The following FRMD3 variants were observed in gnomAD, a reference collection of about 807,000 sequenced individuals.
The protein encoded by FRMD3 is FERM domain containing 3.
FRMD3 carries 33 observed loss-of-function variants against 70.2 expected under a neutral mutation model. The ratio of observed to expected loss-of-function variants is 0.47; its 90% confidence interval spans 0.36 to 0.63. The LOEUF (loss-of-function observed/expected upper bound fraction) is 0.63, where lower values mean the gene tolerates loss of function less well. Ranked by LOEUF, FRMD3 falls within the 20% of genes least tolerant of loss-of-function variation. FRMD3 has a pLI of 0.00. For synonymous variants in FRMD3, 279 were observed against 255.9 expected, an observed-to-expected ratio of 1.09 and a Z score of -0.86; for missense variants, 632 against 711.4, an observed-to-expected ratio of 0.89 and a Z score of 1.27.
At chr9:83,391,073 G>A (rs989550220) in intron 1 of FRMD3, among the ~76,000 whole-genome samples, 22 of 152,230 alleles carry the variant, frequency 1.4e-4, no homozygotes, top group Admixed American at 7.2e-4. Flanking sequence ...CCTGGGATGC[G>A]CTGCACTGAG....
Position 83,356,271 on chromosome 9 carries a change from A to ATTTTTTTTTTTTTTTT in FRMD3, c.296-6530_296-6515dup, listed in dbSNP as rs869149609. Among the ~76,000 whole-genome samples the ATTTTTTTTTTTTTTTT allele has an allele frequency of 3.2e-4, 30 of 94,436 alleles. 2 individuals are homozygous for ATTTTTTTTTTTTTTTT. The highest frequency in any genetic ancestry group is 1.3e-3 in the African/African-American group (28 of 21,632). 62.0% of individuals were successfully genotyped at this position (94,436 alleles called of 152,430 possible). ...TGAGAGAGAAGCATCACTCAGCAGC[A>ATTTTTTTTTTTTTTTT]TTTTTTTTTTTTTTTTTTTTTTTTG... On this transcript the variant is annotated intron_variant, in intron 3 of 13. Coordinates refer to ENST00000304195, the MANE Select transcript of FRMD3 (RefSeq NM_174938.6).
intron 1 of FRMD3, among the ~76,000 whole-genome samples, chr9:83,472,457 G>A (rs1828291069): frequency 1.3e-5 from 2 of 152,140 alleles, no homozygotes; most frequent in Admixed American, 1.3e-4. Context: ...CATGGGATCT[G>A]ACATTTCCTG....
chr9:83,578,440 A>G, the FRMD3 span, among the ~76,000 whole-genome samples: 1 of 152,004 alleles, frequency 6.6e-6, no homozygotes, highest in Non-Finnish European at 1.5e-5. Flanking sequence ...ACAAAATACT[A>G]GGAAATTCAA....
intron 2 of FRMD3, among the ~76,000 whole-genome samples, chr9:83,379,346 C>T (rs551689962): frequency 6.6e-6 from 1 of 152,244 alleles, no homozygotes; most frequent in East Asian, 1.9e-4. Context: ...TATTGCATTG[C>T]TATTTTCCTT....
At chr9:83,284,540 A>C (rs1276596797) in intron 13 of FRMD3, among the ~76,000 whole-genome samples, 1 of 152,174 alleles carries the variant, frequency 6.6e-6, no homozygotes, top group Non-Finnish European at 1.5e-5. Context: ...CCCAGGAGGC[A>C]GAGGTTGCAG....
At chr9:83,476,476 A>G (rs535885768) in intron 1 of FRMD3, among the ~76,000 whole-genome samples, 2 of 152,102 alleles carry the variant, frequency 1.3e-5, no homozygotes, top group South Asian at 2.1e-4. Flanking sequence ...GTGCTGGTTT[A>G]GTGAAGAAGG....
intron 1 of FRMD3, among the ~76,000 whole-genome samples, chr9:83,403,600 C>T (rs1174151535): frequency 6.6e-6 from 1 of 152,136 alleles, no homozygotes; most frequent in East Asian, 1.9e-4. Context: ...CATTGGTATA[C>T]ATGTGGCTCG....
At chr9:83,482,892 A>G (rs908489547) in intron 1 of FRMD3, among the ~76,000 whole-genome samples, 1 of 152,218 alleles carries the variant, frequency 6.6e-6, no homozygotes, top group Non-Finnish European at 1.5e-5. Context: ...CAGGAGCCAT[A>G]TAAGAAGTGG....
chr9:83,372,031 G>T (rs576069376), intron 3 of FRMD3, among the ~76,000 whole-genome samples: 2 of 152,172 alleles, frequency 1.3e-5, no homozygotes, highest in African/African-American at 4.8e-5. Context: ...CTTGAATGAC[G>T]ACAAGTGACA....
intron 1 of FRMD3, among the ~76,000 whole-genome samples, chr9:83,482,243 T>G (rs1394706001): frequency 6.6e-6 from 1 of 152,200 alleles, no homozygotes; most frequent in Non-Finnish European, 1.5e-5. Flanking sequence ...AATATTTATT[T>G]GCTCAATTCC....
At chr9:83,496,114 G>A (rs564802634) in intron 1 of FRMD3, among the ~76,000 whole-genome samples, 1 of 152,180 alleles carries the variant, frequency 6.6e-6, no homozygotes, top group South Asian at 2.1e-4. Flanking sequence ...TCTGGTGCCT[G>A]CTCCACAAGA....
chr9:83,544,518 G>GA, the FRMD3 span, among the ~76,000 whole-genome samples: 1 of 151,858 alleles, frequency 6.6e-6, no homozygotes, highest in African/African-American at 2.4e-5. Flanking sequence ...TCTCCCAGCT[G>GA]AAAAAAAAGA....
intron 6 of FRMD3, among the ~76,000 whole-genome samples, chr9:83,315,166 G>A (rs1025046756): frequency 2.0e-5 from 3 of 151,706 alleles, no homozygotes; most frequent in Admixed American, 6.6e-5. Context: ...TCCCTCTGAG[G>A]GTACCACTTC....
At chr9:83,507,732 A>C (rs188142280) in intron 1 of FRMD3, among the ~76,000 whole-genome samples, 6,952 of 92,898 alleles carry the variant, frequency 0.075, 734 homozygotes, top group Middle Eastern at 0.12. Context: ...ATATATATAT[A>C]TATATATCTT....
At chr9:83,370,388 T>G (rs1020794168) in intron 3 of FRMD3, among the ~76,000 whole-genome samples, 9 of 152,226 alleles carry the variant, frequency 5.9e-5, no homozygotes, top group Admixed American at 3.3e-4. Context: ...ACACTAGGTT[T>G]GTGATCTTGA....
At chr9:83,261,303 T>C (rs945537317) in intron 13 of FRMD3, among the ~76,000 whole-genome samples, 3 of 152,140 alleles carry the variant, frequency 2.0e-5, no homozygotes, top group African/African-American at 7.2e-5. Flanking sequence ...GACTAAACTC[T>C]CTCTTCTCCA....
intron 4 of FRMD3, among the ~76,000 whole-genome samples, chr9:83,346,186 G>T (rs1823954050): frequency 1.4e-5 from 2 of 144,628 alleles, no homozygotes; most frequent in East Asian, 4.0e-4. Flanking sequence ...AACCCAGGAG[G>T]CAGAAGCTGC....
At chr9:83,519,495 T>C (rs541025547) in intron 1 of FRMD3, among the ~76,000 whole-genome samples, 1 of 152,106 alleles carries the variant, frequency 6.6e-6, no homozygotes, top group Non-Finnish European at 1.5e-5. Context: ...TGAAACAACA[T>C]ATGCTGGAGA....
At chr9:83,395,002 C>G (rs935807537) in intron 1 of FRMD3, among the ~76,000 whole-genome samples, 2 of 152,104 alleles carry the variant, frequency 1.3e-5, no homozygotes, top group South Asian at 4.1e-4. Context: ...CTATTAAACA[C>G]CTATTATGCA....
Sources: allele counts gnomAD v4.1 joint callset (sites outside exome capture counted in the v4.1 genomes callset), GRCh38; gene constraint gnomAD v4.1.1; transcripts MANE v1.5; gene names NCBI Gene and HGNC (gene_info 2026-07-23, HGNC 2026-07-21).